The following SNTG1 variants were observed in gnomAD, a reference collection of about 807,000 sequenced individuals.
The protein encoded by SNTG1 is gamma-1-syntrophin.
A neutral mutation model predicts 74.7 loss-of-function variants in SNTG1; 39 were observed. The ratio of observed to expected loss-of-function variants is 0.52; its 90% confidence interval spans 0.40 to 0.68. The LOEUF (loss-of-function observed/expected upper bound fraction) is 0.68, where lower values mean the gene tolerates loss of function less well. Among genes scored for constraint, SNTG1 ranks in the 30% least tolerant of loss-of-function variants. The pLI, the probability that SNTG1 is intolerant of heterozygous loss-of-function variation, is 0.00. For missense variants in SNTG1, 685 were observed against 609.5 expected, an observed-to-expected ratio of 1.12 and a Z score of -1.30; for synonymous variants, 254 against 217.1, an observed-to-expected ratio of 1.17 and a Z score of -1.49.
At chr8:50,568,252 T>TGTGTGTGTGTGTGC (rs1563587348) in intron 12 of SNTG1, among the ~76,000 whole-genome samples, 3 of 152,180 alleles carry the variant, frequency 2.0e-5, no homozygotes, top group South Asian at 2.1e-4. Context: ...TGTGTGTGTG[T>TGTGTGTGTGTGTGC]GCTATCTATT....
At chr8:50,186,012 C>G (rs558267084) in intron 2 of SNTG1, among the ~76,000 whole-genome samples, 1 of 151,992 alleles carries the variant, frequency 6.6e-6, no homozygotes, top group African/African-American at 2.4e-5. Flanking sequence ...ACTCCCACCC[C>G]CGACAGGTCT....
chr8:50,490,039 T>C (rs2093837359), intron 8 of SNTG1, among the ~76,000 whole-genome samples: 1 of 152,190 alleles, frequency 6.6e-6, no homozygotes, highest in Non-Finnish European at 1.5e-5. Flanking sequence ...CCTTTCCTCA[T>C]TTGATTGTTT....
chr8:50,449,036 A>T (rs2093431633), intron 5 of SNTG1, among the ~76,000 whole-genome samples: 1 of 152,030 alleles, frequency 6.6e-6, no homozygotes, highest in South Asian at 2.1e-4. Context: ...GTCTCAAAAA[A>T]TAAAATAAAT....
chr8:50,778,189 A>G (rs540892967), intron 18 of SNTG1, among the ~76,000 whole-genome samples: 3 of 152,332 alleles, frequency 2.0e-5, no homozygotes, highest in South Asian at 4.1e-4. Context: ...TTATAGCAGC[A>G]TGATTTATAG....
intron 1 of SNTG1, among the ~76,000 whole-genome samples, chr8:50,089,056 A>T (rs1437410954): frequency 6.6e-6 from 1 of 151,738 alleles, no homozygotes; most frequent in Non-Finnish European, 1.5e-5. Flanking sequence ...ACCAAAACAG[A>T]GATGTAGATC....
Position 50,496,301 on chromosome 8 carries a change from G to T in SNTG1, c.364-6477G>T, listed in dbSNP as rs185244831. On this transcript the variant is annotated intron_variant, in intron 8 of 18. Coordinates refer to ENST00000642720, the MANE Select transcript of SNTG1 (RefSeq NM_018967.5). ...ACTTGATTCCCTGACATCATATGAGGCCAGTTAACTATGATCCTCACAAGC... is the reference window on the plus strand; with the variant it reads ...ACTTGATTCCCTGACATCATATGAGTCCAGTTAACTATGATCCTCACAAGC... Among the ~76,000 whole-genome samples the T allele has an allele frequency of 2.6e-5, 4 of 152,246 alleles. No individual in the cohort carries two copies. The East Asian group carries it at 5.8e-4, about 22-fold the overall frequency.
At chr8:50,006,030 T>C (rs181375544) in intron 1 of SNTG1, among the ~76,000 whole-genome samples, 4,676 of 143,564 alleles carry the variant, frequency 0.033, 116 homozygotes, top group Middle Eastern at 0.08. Context: ...AGTGGCCATC[T>C]GGGCTCACTG....
intron 8 of SNTG1, among the ~76,000 whole-genome samples, chr8:50,485,889 G>T (rs1185366170): frequency 6.6e-6 from 1 of 150,386 alleles, no homozygotes; most frequent in Admixed American, 6.6e-5. Context: ...TTCTACATAT[G>T]GCTAGCCAGT....
intron 1 of SNTG1, among the ~76,000 whole-genome samples, chr8:49,984,130 C>T (rs1812935286): frequency 6.6e-6 from 1 of 152,016 alleles, no homozygotes; most frequent in South Asian, 2.1e-4. Flanking sequence ...GTGAGAATTT[C>T]TTGTTTTTAC....
At chr8:50,039,229 G>A (rs1209426151) in intron 1 of SNTG1, among the ~76,000 whole-genome samples, 1 of 152,018 alleles carries the variant, frequency 6.6e-6, no homozygotes, top group Non-Finnish European at 1.5e-5. Context: ...GCCGAGGAGG[G>A]CAGATCACAA....
chr8:50,403,821 G>C (rs899826873), intron 4 of SNTG1, among the ~76,000 whole-genome samples: 1 of 152,120 alleles, frequency 6.6e-6, no homozygotes, highest in Non-Finnish European at 1.5e-5. Flanking sequence ...TTCTTAATCT[G>C]ACAACTGTCA....
intron 2 of SNTG1, among the ~76,000 whole-genome samples, chr8:50,212,055 G>T (rs945076894): frequency 1.3e-5 from 2 of 151,956 alleles, no homozygotes; most frequent in African/African-American, 2.4e-5. Flanking sequence ...ATACTATCAC[G>T]CATTTTGGCA....
intron 8 of SNTG1, among the ~76,000 whole-genome samples, chr8:50,494,183 C>T (rs1028479956): frequency 6.6e-6 from 1 of 151,134 alleles, no homozygotes; most frequent in East Asian, 1.9e-4. Flanking sequence ...ACACATACAA[C>T]TTGTTGAGGA....
intron 12 of SNTG1, among the ~76,000 whole-genome samples, chr8:50,560,039 C>T (rs1393238207): frequency 3.3e-5 from 5 of 151,798 alleles, no homozygotes; most frequent in African/African-American, 7.3e-5. Flanking sequence ...AACAAAAATA[C>T]GTTAAAAAGT....
At chr8:50,651,789 A>T (rs957892116) in intron 13 of SNTG1, among the ~76,000 whole-genome samples, 2 of 139,852 alleles carry the variant, frequency 1.4e-5, no homozygotes, top group African/African-American at 2.7e-5. Flanking sequence ...TAAATTATTT[A>T]TTTTTTTGAG....
At chr8:50,028,129 C>T (rs980233547) in intron 1 of SNTG1, among the ~76,000 whole-genome samples, 3 of 152,056 alleles carry the variant, frequency 2.0e-5, no homozygotes, top group African/African-American at 7.2e-5. Flanking sequence ...TCACACCCAC[C>T]CACATACCCT....
intron 15 of SNTG1, among the ~76,000 whole-genome samples, chr8:50,689,883 A>G (rs762575626): frequency 1.3e-5 from 2 of 152,006 alleles, no homozygotes; most frequent in Non-Finnish European, 2.9e-5. Flanking sequence ...GGTCCTGGAC[A>G]TTTTTTGGTT....
At chr8:50,501,996 AT>A (rs565393630) in intron 8 of SNTG1, among the ~76,000 whole-genome samples, 3 of 151,646 alleles carry the variant, frequency 2.0e-5, no homozygotes, top group African/African-American at 7.3e-5. Flanking sequence ...TGTTCTTTTA[AT>A]TTTTTTTAAA....
chr8:50,034,774 G>T (rs1818007219), intron 1 of SNTG1, among the ~76,000 whole-genome samples: 1 of 152,194 alleles, frequency 6.6e-6, no homozygotes, highest in African/African-American at 2.4e-5. Context: ...ACAAATTTGT[G>T]TTGGGCTACA....
Sources: gnomAD v4.1 joint callset for allele counts (sites outside exome capture counted in the v4.1 genomes callset) on GRCh38, gnomAD v4.1.1 for gene constraint, MANE v1.5 for transcripts, NCBI Gene and HGNC (gene_info 2026-07-23, HGNC 2026-07-21) for gene names.